The following VLDLR variants were observed in gnomAD, a reference collection of about 807,000 sequenced individuals.
VLDLR encodes the protein very low-density lipoprotein receptor.
A neutral mutation model predicts 112.7 loss-of-function variants in VLDLR; 81 were observed. The ratio of observed to expected loss-of-function variants is 0.72; its 90% CI spans 0.60 to 0.86. The LOEUF (loss-of-function observed/expected upper bound fraction) is 0.86, where lower values mean the gene tolerates loss of function less well. Ranked by LOEUF, VLDLR falls within the 40% of genes least tolerant of loss-of-function variation. The pLI is 0.00. For synonymous variants in VLDLR, 436 were observed against 384.8 expected (o/e 1.13, Z -1.56); for missense variants, 1,237 against 1,099.4 (o/e 1.13, Z -1.77).
rs1489001454 is a variant in VLDLR at position 2,655,441 on chromosome 9, G to A, written c.*1573G>A. 1 of 152,172 alleles carries A rather than the reference G, an allele frequency of 6.6e-6. No homozygotes were observed. Among genetic ancestry groups the A allele is most frequent in the Non-Finnish European group, 1.5e-5 (1 of 68,038 alleles). The allele number at this position is 152,172 out of a possible 1,614,324, so 9.4% of individuals were successfully genotyped here. On this transcript the variant is annotated 3_prime_UTR_variant, in exon 19 of 19. Transcript: ENST00000382100. ...TGAGGTGGAGAGTTGGCTGTGGAAG[G>A]TACAGCAATTCCTCTGGAATTAAAT...
chr9:2,637,312 T>C (rs1024828845), intron 2 of VLDLR, among the ~76,000 whole-genome samples: 1 of 152,250 alleles, frequency 6.6e-6, no homozygotes, highest in African/African-American at 2.4e-5. Context: ...ATTTCCAGTA[T>C]GTCAATGGGC....
At chr9:2,624,219 A>G (rs78825935) in intron 1 of VLDLR, among the ~76,000 whole-genome samples, 2 of 152,328 alleles carry the variant, frequency 1.3e-5, no homozygotes, top group Non-Finnish European at 2.9e-5. Flanking sequence ...GGAAAAACAA[A>G]TTCTTCAAAG....
chr9:2,651,850 C>T lies in VLDLR; in HGVS notation c.2336-24C>T, dbSNP rs747369698. 7.4e-6 allele frequency: 12 copies of T among 1,613,336 alleles called. No individual in the cohort carries two copies. The Admixed American group carries it at 1.5e-4, about 20-fold the overall frequency. ...AAGTCTGAATACAGATCCTTCTAAA[C>T]TGATTCCTTTTATTCCTCTGTAGGG... On this transcript the variant is annotated intron_variant, in intron 16 of 18. Coordinates refer to ENST00000382100, the MANE Select transcript of VLDLR (RefSeq NM_003383.5).
chr9:2,647,262 C>G (rs1237313825), intron 11 of VLDLR, among the ~76,000 whole-genome samples: 2 of 152,152 alleles, frequency 1.3e-5, no homozygotes, highest in East Asian at 1.9e-4. Flanking sequence ...AAATGTCAGA[C>G]AAACATAGAT....
In VLDLR at chr9:2,651,429, G is replaced by A; in HGVS notation, c.2266G>A (p.Val756Met). 6 of 1,613,916 alleles carry A rather than the reference G, an allele frequency of 3.7e-6. No individual in the cohort carries two copies. The highest frequency in any genetic ancestry group is 5.1e-6 in the Non-Finnish European group (6 of 1,179,902). The change falls in exon 16 of 19, where the codon GTG becomes ATG. Residue 756 changes from valine (V) to methionine (M), a missense_variant. By Grantham distance (21) the Val-to-Met change is conservative. Coordinates refer to ENST00000382100, the MANE Select transcript of VLDLR (RefSeq NM_003383.5). The stretch of plus-strand genomic sequence containing the variant: ...TTATAATTCAGGTACTGCAACTACT[G>A]TGACTTACAGTGAGACAAAAGATAC... ...GRDCQSTATTVTYSETKDTNT... is the reference protein window; with the variant it reads ...GRDCQSTATTMTYSETKDTNT...
Position 2,643,305 on chromosome 9 carries a change from C to A in VLDLR, c.594C>A (p.Phe198Leu). The part of the protein sequence containing the change: ...CAPPTCGAHE[F>L]QCSTSSCIPI... ...CGCCAACCTGTGGCGCCCATGAGTT[C>A]CAGTGCAGCACCTCCTCCTGCATCC... Residue 198 changes from phenylalanine (F) to leucine (L), a missense_variant, in exon 5 of 19, where the codon TTC becomes TTA. By Grantham distance (22) the Phe-to-Leu change is conservative. Transcript: ENST00000382100. 1 of 1,613,858 alleles carries A rather than the reference C, an allele frequency of 6.2e-7. No individual in the cohort carries two copies. The highest frequency in any genetic ancestry group is 8.5e-7 in the Non-Finnish European group (1 of 1,179,796).
intron 1 of VLDLR, among the ~76,000 whole-genome samples, chr9:2,623,335 C>T (rs1816926043): frequency 6.6e-6 from 1 of 152,192 alleles, no homozygotes; most frequent in Non-Finnish European, 1.5e-5. Context: ...AATCCTAGCG[C>T]GTCCCCGAAG....
At chr9:2,647,400 A>AT in intron 11 of VLDLR, 74 bp from the exon 12 acceptor site, 1 of 1,313,974 alleles carries the variant, frequency 7.6e-7, no homozygotes, top group East Asian at 2.3e-5. Context: ...CAAATTTTAA[A>AT]TTTTTGTTTC....
chr9:2,643,252 G>A lies in VLDLR; in HGVS notation c.541G>A (p.Asp181Asn), dbSNP rs144469558. 11 of 1,614,134 alleles carry A rather than the reference G, an allele frequency of 6.8e-6. No homozygotes were observed. The highest frequency in any genetic ancestry group is 1.3e-5 in the African/African-American group (1 of 75,050). Residue 181 changes from aspartate (D) to asparagine (N), a missense_variant, in exon 5 of 19, where the codon GAT becomes AAT. By Grantham distance (23) the Asp-to-Asn change is conservative (BLOSUM62 1). Transcript: ENST00000382100. ...ATGCAATGGCCAGGATGACTGCAGCGATGGCAGTGATGAGCTGGACTGTGC... is the reference window on the plus strand; with the variant it reads ...ATGCAATGGCCAGGATGACTGCAGCAATGGCAGTGATGAGCTGGACTGTGC... ...FVCNGQDDCS[D>N]GSDELDCAPP...
intron 3 of VLDLR, among the ~76,000 whole-genome samples, chr9:2,640,192 G>T (rs1174187298): frequency 6.6e-6 from 1 of 152,110 alleles, no homozygotes; most frequent in Non-Finnish European, 1.5e-5. Context: ...ACATTCTCTT[G>T]GGTAGCTTCA....
chr9:2,646,190 G>C lies in VLDLR; in HGVS notation c.1485-144G>C, dbSNP rs1303188918. The C allele has an allele frequency of 1.4e-5, 11 of 769,636 alleles. No individual in the cohort carries two copies. In the East Asian group the frequency reaches 2.9e-4, roughly 20 times the overall value. 47.7% of individuals were successfully genotyped at this position (769,636 alleles called of 1,614,324 possible). On this transcript the variant is annotated intron_variant, in intron 10 of 18. Transcript: ENST00000382100. ...TAATTTAGGATCAGTAAGCAGCATG[G>C]TTAAATAATTTGAGTGGTGAGCTGT...
In VLDLR at chr9:2,653,713, T is replaced by G. The variant is rs545696400; in HGVS notation, c.2587-120T>G. 2.0e-3 allele frequency: 2,046 copies of G among 1,037,008 alleles called. 39 individuals are homozygous for G. The African/African-American group carries it at 0.029, about 15-fold the overall frequency. 64.2% of individuals were successfully genotyped at this position (1,037,008 alleles called of 1,614,324 possible). On this transcript the variant is annotated intron_variant, in intron 18 of 18. Coordinates refer to ENST00000382100, the MANE Select transcript of VLDLR (RefSeq NM_003383.5). ...AGTATTCTTTTGTATCTGACTGACT[T>G]TTCTTCTAAGCACTCTGAGTGTTTG... is the stretch of plus-strand genomic sequence containing the variant.
At chr9:2,642,593 C>T (rs1817877303) in intron 4 of VLDLR, among the ~76,000 whole-genome samples, 1 of 152,194 alleles carries the variant, frequency 6.6e-6, no homozygotes, top group Non-Finnish European at 1.5e-5. Flanking sequence ...GTCAGCATAC[C>T]TGATTGTTAA....
At chr9:2,633,175 G>A (rs1817446878) in intron 1 of VLDLR, among the ~76,000 whole-genome samples, 1 of 151,862 alleles carries the variant, frequency 6.6e-6, no homozygotes, top group African/African-American at 2.4e-5. Flanking sequence ...AGAAAAGCTA[G>A]AAATTAAACT....
At chr9:2,632,238 G>A (rs1817380559) in intron 1 of VLDLR, among the ~76,000 whole-genome samples, 1 of 152,142 alleles carries the variant, frequency 6.6e-6, no homozygotes, top group Non-Finnish European at 1.5e-5. Flanking sequence ...GGTAGAGGCA[G>A]AGGTGGAACA....
At chr9:2,628,696 G>A (rs562418653) in intron 1 of VLDLR, among the ~76,000 whole-genome samples, 2 of 152,290 alleles carry the variant, frequency 1.3e-5, no homozygotes, top group South Asian at 4.1e-4. Flanking sequence ...TGTCAGGGAA[G>A]AATTTGGGCT....
intron 1 of VLDLR, among the ~76,000 whole-genome samples, chr9:2,632,582 A>G (rs1817402058): frequency 6.6e-6 from 1 of 152,312 alleles, no homozygotes; most frequent in South Asian, 2.1e-4. Flanking sequence ...ATAATCCCAA[A>G]GCTTTGGAAA....
intron 1 of VLDLR, among the ~76,000 whole-genome samples, chr9:2,632,097 G>A (rs1817374721): frequency 6.6e-6 from 1 of 152,118 alleles, no homozygotes; most frequent in Non-Finnish European, 1.5e-5. Flanking sequence ...AGGTACAAGC[G>A]ACTTCCAACC....
At chr9:2,641,605 C>T in intron 4 of VLDLR, 106 bp downstream of exon 4, 5 of 1,528,736 alleles carry the variant, frequency 3.3e-6, no homozygotes, top group Non-Finnish European at 4.5e-6. Flanking sequence ...CATTGACTCA[C>T]TTTTCAGTGA....
Sources: gnomAD v4.1 joint callset for allele counts (sites outside exome capture counted in the v4.1 genomes callset) on GRCh38, gnomAD v4.1.1 for gene constraint, MANE v1.5 for transcripts, NCBI Gene and HGNC (gene_info 2026-07-23, HGNC 2026-07-21) for gene names.